LAP3: variants seen among roughly 807,000 people sequenced by gnomAD.
The protein encoded by LAP3 is cytosol aminopeptidase.
In LAP3, 46 loss-of-function variants were observed where a neutral mutation model predicts 58.8. The observed-to-expected ratio is 0.78, with a 90% CI of 0.62 to 1.00. The LOEUF (loss-of-function observed/expected upper bound fraction) is 1.00, where lower values mean the gene tolerates loss of function less well. Among genes scored for constraint, LAP3 ranks in the 50% least tolerant of loss-of-function variants. The pLI is 0.00. For synonymous variants in LAP3, 257 were observed against 237.7 expected (o/e 1.08, Z -0.75); for missense variants, 615 against 659.1 (o/e 0.93, Z 0.73).
intron 10 of LAP3, among the ~76,000 whole-genome samples, chr4:17,600,426 C>T (rs1391025593): frequency 1.3e-5 from 2 of 151,890 alleles, no homozygotes; most frequent in Admixed American, 1.3e-4. Flanking sequence ...TTGGGGGAGG[C>T]ACTGGCAGTG....
At chr4:17,605,757 T>C (rs2109025036) in intron 11 of LAP3, among the ~76,000 whole-genome samples, 1 of 152,194 alleles carries the variant, frequency 6.6e-6, no homozygotes, top group Non-Finnish European at 1.5e-5. Flanking sequence ...GTTATCCCTC[T>C]CTTTCATGGC....
At chr4:17,599,876 C>A (rs77569619) in intron 10 of LAP3, among the ~76,000 whole-genome samples, 2 of 152,156 alleles carry the variant, frequency 1.3e-5, no homozygotes, top group Non-Finnish European at 2.9e-5. Context: ...GTCAGTTAGC[C>A]GTGGGCAAGT....
At position 17,584,851 on chromosome 4, in the gene LAP3, A is replaced by G. The variant is rs559993315; in HGVS notation, c.540-121A>G. The G allele has an allele frequency of 7.0e-5, 66 of 946,058 alleles. No homozygotes were observed. The African/African-American group carries it at 7.3e-4, about 10-fold the overall frequency. The allele number at this position is 946,058 out of a possible 1,614,324, so 58.6% of individuals were successfully genotyped here. The stretch of plus-strand genomic sequence containing the variant: ...AAATGAATCCAGGTCCTGTGTGCCA[A>G]TTGTTTTTGATTTGTAGTCTTCCTC... On this transcript the variant is annotated intron_variant, in intron 5 of 12. Transcript: ENST00000226299.
intron 6 of LAP3, among the ~76,000 whole-genome samples, chr4:17,588,547 G>T (rs1234284543): frequency 6.6e-6 from 1 of 152,140 alleles, no homozygotes; most frequent in Non-Finnish European, 1.5e-5. Context: ...ATTGTATTAG[G>T]TACCACACAT....
chr4:17,604,773 G>A lies in LAP3; in HGVS notation c.1260+106G>A, dbSNP rs77442573. 783 of 853,220 alleles carry A rather than the reference G, an allele frequency of 9.2e-4. 5 individuals are homozygous for A. The African/African-American group carries it at 0.01, about 11-fold the overall frequency. 52.9% of individuals were successfully genotyped at this position (853,220 alleles called of 1,614,324 possible). A position where few individuals can be genotyped will look rare whatever the true frequency, so the allele number is the denominator to read the frequency against. ...CCTGTGTTAAAGTGATTTTTATGCC[G>A]CAGGTTTGCCTTTGAATTGAAAATG... On this transcript the variant is annotated intron_variant, in intron 11 of 12. Transcript: ENST00000226299.
Position 17,607,767 on chromosome 4 carries a change from G to C in LAP3, c.*178G>C, listed in dbSNP as rs1714182389. The C allele has an allele frequency of 4.0e-6, 2 of 502,942 alleles. No individual in the cohort carries two copies. The highest frequency in any genetic ancestry group is 3.4e-6 in the Non-Finnish European group (1 of 290,078). The allele number at this position is 502,942 out of a possible 1,614,324, so 31.2% of individuals were successfully genotyped here. ...TTCATTTCACACAAAGATTTATAAAGGTAAAGTTAATATCTTACTTGATAA... is the reference window on the plus strand; with the variant it reads ...TTCATTTCACACAAAGATTTATAAACGTAAAGTTAATATCTTACTTGATAA... On this transcript the variant is annotated 3_prime_UTR_variant, in exon 13 of 13. Transcript: ENST00000226299.
intron 10 of LAP3, 67 bp downstream of exon 10, chr4:17,598,625 C>T: frequency 1.8e-6 from 2 of 1,141,454 alleles, no homozygotes; most frequent in Non-Finnish European, 2.6e-6. Context: ...ATTTCACACA[C>T]TATACTTGTG....
intron 10 of LAP3, among the ~76,000 whole-genome samples, chr4:17,602,553 C>G (rs1369783327): frequency 6.6e-6 from 1 of 152,110 alleles, no homozygotes; most frequent in Non-Finnish European, 1.5e-5. Context: ...TAACAGCCAT[C>G]AAAGTCTTAT....
intron 7 of LAP3, among the ~76,000 whole-genome samples, chr4:17,589,374 A>T (rs1262022558): frequency 6.6e-6 from 1 of 151,760 alleles, no homozygotes; most frequent in African/African-American, 2.4e-5. Flanking sequence ...TTATAGTTTG[A>T]TACAAAAGCA....
chr4:17,590,448 G>A (rs1445640968), intron 7 of LAP3, among the ~76,000 whole-genome samples: 2 of 152,154 alleles, frequency 1.3e-5, no homozygotes, highest in African/African-American at 4.8e-5. Context: ...TTAAAGCATT[G>A]ATCTCCAAAT....
chr4:17,578,205 C>G (rs1713263450), intron 1 of LAP3, among the ~76,000 whole-genome samples: 1 of 152,156 alleles, frequency 6.6e-6, no homozygotes, highest in South Asian at 2.1e-4. Context: ...GCCTAAGCAC[C>G]AGAAAGAGAT....
At chr4:17,604,406 A>T (rs938124021) in intron 10 of LAP3, among the ~76,000 whole-genome samples, 182 bp from the exon 11 acceptor site, 1 of 152,044 alleles carries the variant, frequency 6.6e-6, no homozygotes, top group African/African-American at 2.4e-5. Context: ...ATTTAAGTGA[A>T]TTCTGGCCTG....
At chr4:17,582,124 T>C in intron 3 of LAP3, 164 bp from the exon 4 acceptor site, 1 of 647,952 alleles carries the variant, frequency 1.5e-6, no homozygotes, top group Non-Finnish European at 2.7e-6. Flanking sequence ...CACAAAGGTT[T>C]TAAGAAAAAA....
intron 11 of LAP3, among the ~76,000 whole-genome samples, chr4:17,605,118 C>CCA (rs10609509): frequency 0.058 from 8,558 of 146,936 alleles, 553 homozygotes; most frequent in African/African-American, 0.17. Flanking sequence ...ACCCTCACTT[C>CCA]CACACACACA....
chr4:17,595,979 C>T (rs1713816417), intron 8 of LAP3, among the ~76,000 whole-genome samples: 1 of 152,056 alleles, frequency 6.6e-6, no homozygotes, highest in African/African-American at 2.4e-5. Flanking sequence ...GATACAAACT[C>T]CCAGGCACAG....
At chr4:17,577,623 T>G in intron 1 of LAP3, 56 bp downstream of exon 1, 1 of 1,379,564 alleles carries the variant, frequency 7.2e-7, no homozygotes, top group Non-Finnish European at 9.9e-7. Flanking sequence ...CGTGGGCTAC[T>G]GGGGCTGCGG....
chr4:17,591,823 G>A (rs573175985), intron 7 of LAP3, among the ~76,000 whole-genome samples: 65 of 152,278 alleles, frequency 4.3e-4, no homozygotes, highest in African/African-American at 1.5e-3. Flanking sequence ...TGGTCGCTGC[G>A]GGCCTGCTTA....
chr4:17,577,458 C>T lies in LAP3; in HGVS notation c.-8C>T, dbSNP rs552872707. The T allele has an allele frequency of 1.3e-6, 2 of 1,556,896 alleles. No individual in the cohort carries two copies. Among genetic ancestry groups the T allele is most frequent in the African/African-American group, 1.4e-5 (1 of 72,598 alleles). ...CTGGAGGGCGGTGCGAGGGGCCGAG[C>T]CGACAAGATGTTCTTGCTGCCTCTT... On this transcript the variant is annotated 5_prime_UTR_variant, in exon 1 of 13. Transcript: ENST00000226299.
At chr4:17,599,180 TGG>T (rs1251322354) in intron 10 of LAP3, among the ~76,000 whole-genome samples, 2 of 152,198 alleles carry the variant, frequency 1.3e-5, no homozygotes, top group African/African-American at 4.8e-5. Context: ...GTGCCCAGCC[TGG>T]GCTGTACCTT....
Sources: gnomAD v4.1 joint callset for allele counts (sites outside exome capture counted in the v4.1 genomes callset) on GRCh38, gnomAD v4.1.1 for gene constraint, MANE v1.5 for transcripts, NCBI Gene and HGNC (gene_info 2026-07-23, HGNC 2026-07-21) for gene names.